The following MNAT1 variants were observed in gnomAD, a reference collection of about 807,000 sequenced individuals.
MNAT1 encodes the protein MNAT1 component of CDK activating kinase, also known as CDK-activating kinase assembly factor MAT1.
Under a neutral mutation model 42.0 loss-of-function variants are expected in MNAT1, and 43 were observed. The observed-to-expected ratio is 1.02, with a 90% CI of 0.80 to 1.32. MNAT1 has a LOEUF of 1.32. Among genes scored for constraint, MNAT1 ranks in the 40% most tolerant of loss-of-function variants. MNAT1 has a pLI of 0.00. For missense variants in MNAT1, 306 were observed against 350.4 expected (o/e 0.87, Z 1.01); for synonymous variants, 118 against 120.0 (o/e 0.98, Z 0.11).
At chr14:60,762,462 C>T (rs748251629) in intron 1 of MNAT1, among the ~76,000 whole-genome samples, 14 of 151,866 alleles carry the variant, frequency 9.2e-5, no homozygotes, top group Admixed American at 2.0e-4. Flanking sequence ...GGAGGATCAC[C>T]TGAGGTTAGG....
chr14:60,931,116 T>G (rs900242410), intron 7 of MNAT1, among the ~76,000 whole-genome samples: 1 of 152,090 alleles, frequency 6.6e-6, no homozygotes, highest in Non-Finnish European at 1.5e-5. Context: ...GGGAATGGAT[T>G]TGAGACTGAA....
chr14:60,850,907 GTT>G (rs1307535988), intron 6 of MNAT1, among the ~76,000 whole-genome samples: 1 of 152,140 alleles, frequency 6.6e-6, no homozygotes, highest in Non-Finnish European at 1.5e-5. Context: ...AAAATGATCT[GTT>G]TTAAGCCATA....
intron 7 of MNAT1, among the ~76,000 whole-genome samples, chr14:60,958,346 C>T (rs1368625383): frequency 1.3e-5 from 2 of 151,970 alleles, no homozygotes; most frequent in African/African-American, 2.4e-5. Flanking sequence ...TTCCCACTTA[C>T]TCCTGGTCTG....
intron 6 of MNAT1, among the ~76,000 whole-genome samples, chr14:60,856,758 G>A (rs1034675694): frequency 6.6e-6 from 1 of 151,710 alleles, no homozygotes; most frequent in Non-Finnish European, 1.5e-5. Context: ...TCAGCTCGTG[G>A]CAACCTCCGC....
chr14:60,881,883 G>A (rs1429135438), intron 7 of MNAT1, among the ~76,000 whole-genome samples: 2 of 152,146 alleles, frequency 1.3e-5, no homozygotes, highest in Non-Finnish European at 1.5e-5. Flanking sequence ...TTCTTGGCCA[G>A]GCGCAGTGGC....
At chr14:60,876,445 A>T (rs1419252760) in intron 6 of MNAT1, among the ~76,000 whole-genome samples, 1 of 152,082 alleles carries the variant, frequency 6.6e-6, no homozygotes, top group Non-Finnish European at 1.5e-5. Context: ...ATAAAAGTTC[A>T]TGTAATCCCT....
intron 1 of MNAT1, among the ~76,000 whole-genome samples, chr14:60,775,033 G>A (rs901049402): frequency 6.6e-6 from 1 of 152,104 alleles, no homozygotes; most frequent in African/African-American, 2.4e-5. Context: ...CAGCTGTTTA[G>A]ACTGGATATG....
chr14:60,829,769 AG>A (rs1474261267), intron 6 of MNAT1, among the ~76,000 whole-genome samples: 2 of 152,214 alleles, frequency 1.3e-5, no homozygotes, highest in Non-Finnish European at 2.9e-5. Flanking sequence ...CCTAGGATGT[AG>A]AAATAATGGT....
chr14:60,774,474 C>G (rs1243181359), intron 1 of MNAT1, among the ~76,000 whole-genome samples: 1 of 152,132 alleles, frequency 6.6e-6, no homozygotes, highest in Non-Finnish European at 1.5e-5. Flanking sequence ...TAATATGAGA[C>G]ACCATTGGGT....
At chr14:60,822,757 A>T (rs899693596) in intron 6 of MNAT1, among the ~76,000 whole-genome samples, 1 of 151,284 alleles carries the variant, frequency 6.6e-6, no homozygotes, top group African/African-American at 2.4e-5. Flanking sequence ...AGCCTACTTT[A>T]TTTTTTATTT....
At chr14:60,882,316 A>G (rs1224815997) in intron 7 of MNAT1, among the ~76,000 whole-genome samples, 1 of 152,106 alleles carries the variant, frequency 6.6e-6, no homozygotes, top group East Asian at 1.9e-4. Context: ...TCCACAAATA[A>G]GTGGGAACAT....
At chr14:60,838,134 AT>A (rs938759064) in intron 6 of MNAT1, among the ~76,000 whole-genome samples, 9 of 146,148 alleles carry the variant, frequency 6.2e-5, no homozygotes, top group East Asian at 2.0e-4. Context: ...GCTTTCATTG[AT>A]TTTTTTTTTC....
At chr14:60,953,970 G>C (rs2036431980) in intron 7 of MNAT1, among the ~76,000 whole-genome samples, 1 of 151,914 alleles carries the variant, frequency 6.6e-6, no homozygotes, top group Non-Finnish European at 1.5e-5. Context: ...TTTTAATCAG[G>C]TTATTTGTTT....
At chr14:60,959,016 T>C (rs541837187) in intron 7 of MNAT1, among the ~76,000 whole-genome samples, 27 of 152,296 alleles carry the variant, frequency 1.8e-4, no homozygotes, top group Non-Finnish European at 3.2e-4. Context: ...CCTCCCAGGC[T>C]CAAGTGACCC....
At chr14:60,755,239 G>A (rs922115957) in intron 1 of MNAT1, among the ~76,000 whole-genome samples, 1 of 152,080 alleles carries the variant, frequency 6.6e-6, no homozygotes, top group Non-Finnish European at 1.5e-5. Flanking sequence ...TGCCTCCCAG[G>A]TTCAAGTGAT....
intron 1 of MNAT1, among the ~76,000 whole-genome samples, chr14:60,790,217 G>C: frequency 6.6e-6 from 1 of 152,038 alleles, no homozygotes. Context: ...GTATGAAGAG[G>C]ACTGTAAAAG....
At chr14:60,890,014 C>T (rs1221206692) in intron 7 of MNAT1, among the ~76,000 whole-genome samples, 1 of 152,136 alleles carries the variant, frequency 6.6e-6, no homozygotes, top group African/African-American at 2.4e-5. Context: ...GACTGTAAAC[C>T]AGTTCAACCA....
chr14:60,834,260 T>C (rs1003956353), intron 6 of MNAT1, among the ~76,000 whole-genome samples: 25 of 152,198 alleles, frequency 1.6e-4, no homozygotes, highest in African/African-American at 4.6e-4. Flanking sequence ...TTAATTGTGA[T>C]GTTAGTGTGT....
intron 3 of MNAT1, among the ~76,000 whole-genome samples, chr14:60,801,708 T>C (rs377508375): frequency 7.6e-4 from 115 of 152,246 alleles, no homozygotes; most frequent in African/African-American, 2.6e-3. Flanking sequence ...GAAAAGGGAA[T>C]CCTTGTATGC....
Sources: allele counts gnomAD v4.1 joint callset (sites outside exome capture counted in the v4.1 genomes callset), GRCh38; gene constraint gnomAD v4.1.1; transcripts MANE v1.5; gene names NCBI Gene and HGNC (gene_info 2026-07-23, HGNC 2026-07-21).